The following MMP10 variants were observed in gnomAD, a reference collection of about 807,000 sequenced individuals.
The protein encoded by MMP10 is matrix metallopeptidase 10.
MMP10 carries 50 observed loss-of-function variants against 49.1 expected under a neutral mutation model. That is an observed-to-expected ratio of 1.02 (90% CI 0.81 to 1.29). The LOEUF is 1.29. MMP10 is among the 50% of genes most tolerant of loss of function. The pLI, the probability that MMP10 is intolerant of heterozygous loss-of-function variation, is 0.00. For missense variants in MMP10, 613 were observed against 563.8 expected (o/e 1.09, Z -0.88); for synonymous variants, 229 against 201.6 (o/e 1.14, Z -1.15).
In MMP10 at chr11:102,775,255, G is replaced by T. The variant is rs751881520; in HGVS notation, c.999C>A (p.Pro333=). The T allele has an allele frequency of 6.2e-7, 1 of 1,609,694 alleles. No individual in the cohort carries two copies. Among genetic ancestry groups the T allele is most frequent in the Admixed American group, 1.7e-5 (1 of 59,768 alleles). ...PEFHLISAFW[P]SLPSYLDAAY... ...CAGCATCCAAATATGATGGAAGAGA[G>T]GGCCAAAATGCAGAAATCAAATGAA... The change falls in exon 7 of 10, where the codon CCC becomes CCA. Residue 333 remains proline (P), a synonymous_variant. Transcript: ENST00000279441.
chr11:102,772,198 A>G lies in MMP10; in HGVS notation c.1227-83T>C. The stretch of plus-strand genomic sequence containing the variant: ...TAGTATAATGTGATGTTAATTTTCC[A>G]GTGTGGAATCCTAGACAAACTTTTT... On this transcript the variant is annotated intron_variant, in intron 8 of 9. Transcript: ENST00000279441. This position sits in a 1 kb window ranked among gnomAD's most constrained non-coding sequence, Gnocchi z 4.4. 2.3e-6 allele frequency: 2 copies of G among 867,234 alleles called. No individual in the cohort carries two copies. The highest frequency in any genetic ancestry group is 2.7e-5 in the East Asian group (1 of 36,852). The allele number at this position is 867,234 out of a possible 1,614,324, so 53.7% of individuals were successfully genotyped here. A position where few individuals can be genotyped will look rare whatever the true frequency, so the allele number is the denominator to read the frequency against.
At position 102,772,917 on chromosome 11, in the gene MMP10, T is replaced by G; in HGVS notation, c.1156A>C (p.Lys386Gln). 1 of 1,613,842 alleles carries G rather than the reference T, an allele frequency of 6.2e-7. No homozygotes were observed. The highest frequency in any genetic ancestry group is 2.2e-5 in the East Asian group (1 of 44,866). Residue 386 changes from lysine (K) to glutamine (Q), a missense_variant, in exon 8 of 10, where the codon AAA becomes CAA. Transcript: ENST00000279441. This position sits in a 1 kb window ranked among gnomAD's most constrained non-coding sequence, Gnocchi z 4.4. The stretch of plus-strand genomic sequence containing the variant: ...TTGTCAGAAACAGCTGCATCAATTT[T>G]CCTTATGGTTGGAGGAAAACCCAGG... ...HTLGFPPTIR[K>Q]IDAAVSDKEK... is the part of the protein sequence containing the mutation.
intron 9 of MMP10, 23 bp downstream of exon 9, chr11:102,771,989 C>T (rs1417198719): frequency 2.2e-6 from 3 of 1,335,246 alleles, no homozygotes; most frequent in Non-Finnish European, 3.2e-6. Flanking sequence ...TCCTGCATGA[C>T]AATGAAATAA....
chr11:102,778,708 A>G lies in MMP10; in HGVS notation c.538T>C (p.Leu180=). ...GGTCCAGGTGGGTAGGCATGAGCCAAACTGTGTCCTGGGCCATCAAAAGAG... is the reference window on the plus strand; with the variant it reads ...GGTCCAGGTGGGTAGGCATGAGCCAGACTGTGTCCTGGGCCATCAAAAGAG... ...FYSFDGPGHS[L]AHAYPPGPGL... The change falls in exon 4 of 10, where the codon TTG becomes CTG. Residue 180 remains leucine, a synonymous_variant. Transcript: ENST00000279441. 6.2e-7 allele frequency: 1 copy of G among 1,614,018 alleles called. No individual in the cohort carries two copies. Among genetic ancestry groups the G allele is most frequent in the Non-Finnish European group, 8.5e-7 (1 of 1,179,964 alleles).
At chr11:102,780,361 T>C in intron 1 of MMP10, 126 bp downstream of exon 1, 3 of 738,058 alleles carry the variant, frequency 4.1e-6, no homozygotes, top group Non-Finnish European at 6.9e-6. Flanking sequence ...AGCCTGTTAA[T>C]TATTCTCTGA....
chr11:102,775,336 A>G lies in MMP10; in HGVS notation c.933-15T>C. On this transcript the variant is annotated splice_polypyrimidine_tract_variant and intron_variant, in intron 6 of 9. Coordinates refer to ENST00000279441, the MANE Select transcript of MMP10 (RefSeq NM_002425.3). ...GCCAAAAATATCTGTAATACATAAA[A>G]TTACTTGCAATTGTCTTTCTCTTTT... 6.4e-7 allele frequency: 1 copy of G among 1,573,138 alleles called. No homozygotes were observed. The highest frequency in any genetic ancestry group is 8.6e-7 in the Non-Finnish European group (1 of 1,161,014).
intron 3 of MMP10, among the ~76,000 whole-genome samples, chr11:102,779,006 T>C (rs1194423851): frequency 6.6e-6 from 1 of 152,222 alleles, no homozygotes; most frequent in Admixed American, 6.5e-5. Context: ...GCCCTTTCTA[T>C]CGTGTGAGGA....
chr11:102,779,273 G>A lies in MMP10; in HGVS notation c.436C>T (p.Leu146Phe), dbSNP rs750113684. Residue 146 changes from leucine to phenylalanine, a missense_variant, in exon 3 of 10, where the codon CTC (leucine) becomes TTC (phenylalanine). Physicochemically the swap from Leu to Phe is conservative, Grantham distance 22. Transcript: ENST00000279441. The stretch of plus-strand genomic sequence containing the variant: ...CCTTCATACAGCCTGGAGAATGTGA[G>A]TGGAGTCACCTCTTCCCAGACTTTC... ...ALKVWEEVTPLTFSRLYEGEA... is the reference protein window; with the variant it reads ...ALKVWEEVTPFTFSRLYEGEA... The A allele has an allele frequency of 6.2e-6, 10 of 1,614,014 alleles. No individual in the cohort carries two copies.
chr11:102,778,765 T>C lies in MMP10; in HGVS notation c.497-16A>G, dbSNP rs1259696473. The C allele has an allele frequency of 3.1e-6, 5 of 1,613,082 alleles. No homozygotes were observed. Among genetic ancestry groups the C allele is most frequent in the Non-Finnish European group, 4.2e-6 (5 of 1,179,784 alleles). On this transcript the variant is annotated splice_polypyrimidine_tract_variant and intron_variant, in intron 3 of 9. Transcript: ENST00000279441. ...TCTCCATGTTCTGATAGGGAACAAA[T>C]TAATGGAAATATAAGTGTTCAGAAT...
chr11:102,778,879 G>T, intron 3 of MMP10, 130 bp from the exon 4 acceptor site: 2 of 1,126,468 alleles, frequency 1.8e-6, no homozygotes, highest in Non-Finnish European at 2.6e-6. Flanking sequence ...GAAACTCAAT[G>T]CCCAATGAAA....
Position 102,770,656 on chromosome 11 carries a change from A to T in MMP10, c.*137T>A, listed in dbSNP as rs549945860. On this transcript the variant is annotated 3_prime_UTR_variant, in exon 10 of 10. Coordinates refer to ENST00000279441, the MANE Select transcript of MMP10 (RefSeq NM_002425.3). ...ATTCCAGAAACATTCTTCATGACAC[A>T]TGCAGATATCTGCAAGGCTCATCTT... 1.8e-4 allele frequency: 99 copies of T among 558,576 alleles called. No homozygotes were observed. The South Asian group carries it at 2.7e-3, about 15-fold the overall frequency. 34.6% of individuals were successfully genotyped at this position (558,576 alleles called of 1,614,324 possible). A position where few individuals can be genotyped will look rare whatever the true frequency, so the allele number is the denominator to read the frequency against.
Position 102,779,381 on chromosome 11 carries a change from G to C in MMP10, c.348-20C>G. Reference sequence around the variant, plus strand: ...ACAATCCTGGAGGAGAAAAATTGAAGAGGATGTTATTTTCTCCTGCCTTTA... The same window carrying C: ...ACAATCCTGGAGGAGAAAAATTGAACAGGATGTTATTTTCTCCTGCCTTTA... On this transcript the variant is annotated intron_variant, in intron 2 of 9. Transcript: ENST00000279441. 2 of 1,612,680 alleles carry C rather than the reference G, an allele frequency of 1.2e-6. No individual in the cohort carries two copies. The highest frequency in any genetic ancestry group is 2.2e-5 in the South Asian group (2 of 90,506).
intron 1 of MMP10, 131 bp from the exon 2 acceptor site, chr11:102,779,876 T>C: frequency 1.9e-6 from 2 of 1,033,000 alleles, no homozygotes; most frequent in Non-Finnish European, 2.7e-6. Flanking sequence ...GATTTTTCAT[T>C]AAGACTCCCC....
chr11:102,773,120 G>A (rs1285514275), intron 7 of MMP10, 114 bp from the exon 8 acceptor site: 1 of 923,780 alleles, frequency 1.1e-6, no homozygotes, highest in African/African-American at 1.7e-5. Flanking sequence ...ACCTAATAAT[G>A]TCCAGTTCAC....
rs752309273 is a variant in MMP10 at position 102,780,605 on chromosome 11, A to G, written c.-14T>C. 5 of 1,610,722 alleles carry G rather than the reference A, an allele frequency of 3.1e-6. No individual in the cohort carries two copies. The South Asian group carries it at 5.5e-5, about 18-fold the overall frequency. On this transcript the variant is annotated 5_prime_UTR_variant, in exon 1 of 10. Coordinates refer to ENST00000279441, the MANE Select transcript of MMP10 (RefSeq NM_002425.3). ...AAGATGCATCATTCTCACTGCCCTT[A>G]CCTTCTTTGTCTACTGGGCTTCTAG... is the stretch of plus-strand genomic sequence containing the variant.
chr11:102,777,830 CAG>C (rs1857767752), intron 4 of MMP10, among the ~76,000 whole-genome samples: 1 of 152,140 alleles, frequency 6.6e-6, no homozygotes, highest in South Asian at 2.1e-4. Flanking sequence ...TCTCGTGAGA[CAG>C]AGTCTCACTC....
At chr11:102,777,746 A>G (rs1249165354) in intron 4 of MMP10, among the ~76,000 whole-genome samples, 1 of 152,184 alleles carries the variant, frequency 6.6e-6, no homozygotes, top group Non-Finnish European at 1.5e-5. Context: ...TATTTAACCA[A>G]GGCTCCAAGA....
rs1329827140 is a variant in MMP10 at position 102,775,322 on chromosome 11, C to T, written c.933-1G>A. 1.3e-6 allele frequency: 2 copies of T among 1,593,354 alleles called. No homozygotes were observed. Among genetic ancestry groups the T allele is most frequent in the Non-Finnish European group, 1.7e-6 (2 of 1,171,006 alleles). On this transcript the variant is annotated splice_acceptor_variant, in intron 6 of 9. Transcript: ENST00000279441. LOFTEE classifies it high-confidence loss of function. ...CCAGTGGGATCTTCGCCAAAAATATCTGTAATACATAAAATTACTTGCAAT... is the reference window on the plus strand; with the variant it reads ...CCAGTGGGATCTTCGCCAAAAATATTTGTAATACATAAAATTACTTGCAAT...
At position 102,776,239 on chromosome 11, in the gene MMP10, A is replaced by T. The variant is rs376017505; in HGVS notation, c.932+41T>A. On this transcript the variant is annotated intron_variant, in intron 6 of 9. Coordinates refer to ENST00000279441, the MANE Select transcript of MMP10 (RefSeq NM_002425.3). Reference sequence around the variant, plus strand: ...CTGTTTTTCTTTCTAAGCACTGTACATCAAAAGAATAGATAGGAAAATATA... The same window carrying T: ...CTGTTTTTCTTTCTAAGCACTGTACTTCAAAAGAATAGATAGGAAAATATA... 1.1e-5 allele frequency: 18 copies of T among 1,573,370 alleles called. 1 individual carries two copies. In the African/African-American group the frequency reaches 1.5e-4, roughly 13 times the overall value.
Sources: gnomAD v4.1 joint callset for allele counts (sites outside exome capture counted in the v4.1 genomes callset) on GRCh38, gnomAD v4.1.1 for gene constraint, Gnocchi (gnomAD v3.1) non-coding constraint, MANE v1.5 for transcripts, NCBI Gene and HGNC (gene_info 2026-07-23, HGNC 2026-07-21) for gene names.